The following FLRT2 variants were observed in gnomAD, a reference collection of about 807,000 sequenced individuals.
The protein encoded by FLRT2 is fibronectin leucine rich transmembrane protein 2.
In FLRT2, 15 loss-of-function variants were observed where a neutral mutation model predicts 40.0. That is an observed-to-expected ratio of 0.38 (90% confidence interval 0.25 to 0.58). The LOEUF (loss-of-function observed/expected upper bound fraction) is 0.58, where lower values mean the gene tolerates loss of function less well. Among genes scored for constraint, FLRT2 ranks in the 20% least tolerant of loss-of-function variants. FLRT2 has a pLI of 0.71. For missense variants in FLRT2, 726 were observed against 840.0 expected (o/e 0.86, Z 1.68); for synonymous variants, 380 against 336.8 (o/e 1.13, Z -1.41).
intron 1 of FLRT2, among the ~76,000 whole-genome samples, chr14:85,565,122 A>G (rs183031857): frequency 1.5e-3 from 222 of 152,286 alleles, no homozygotes; most frequent in African/African-American, 5.1e-3. Flanking sequence ...CCTTTCAGGG[A>G]TCTTGGGAAA....
chr14:85,614,563 T>A (rs1314005037), intron 1 of FLRT2, among the ~76,000 whole-genome samples: 1 of 152,150 alleles, frequency 6.6e-6, no homozygotes, highest in African/African-American at 2.4e-5. Flanking sequence ...CAATTCCTGA[T>A]AGGGAGCGGC....
intron 1 of FLRT2, among the ~76,000 whole-genome samples, chr14:85,533,128 T>C (rs1888390190): frequency 6.6e-6 from 1 of 151,556 alleles, no homozygotes; most frequent in Non-Finnish European, 1.5e-5. Context: ...ACCAGAAAAG[T>C]AGGAGGGACT....
chr14:85,584,127 C>T (rs1891513669), intron 1 of FLRT2, among the ~76,000 whole-genome samples: 1 of 152,256 alleles, frequency 6.6e-6, no homozygotes, highest in African/African-American at 2.4e-5. Flanking sequence ...CTCAGGAAAG[C>T]TCTACAATTA....
Position 85,638,503 on chromosome 14 carries a change from C to T in FLRT2, c.*15006C>T, listed in dbSNP as rs1236828279. ...CCAGTCCTGGTTCTTCATAGCCTTCCACAGGTGTCAGCTGCAAAAACCCTC... is the reference window on the plus strand; with the variant it reads ...CCAGTCCTGGTTCTTCATAGCCTTCTACAGGTGTCAGCTGCAAAAACCCTC... On this transcript the variant is annotated 3_prime_UTR_variant, in exon 2 of 2. Transcript: ENST00000330753. 1 of 152,222 alleles carries T rather than the reference C, an allele frequency of 6.6e-6. No individual in the cohort carries two copies. Among genetic ancestry groups the T allele is most frequent in the Non-Finnish European group, 1.5e-5 (1 of 68,108 alleles). 9.4% of individuals were successfully genotyped at this position (152,222 alleles called of 1,614,324 possible).
At chr14:85,585,300 T>G (rs1267830391) in intron 1 of FLRT2, among the ~76,000 whole-genome samples, 1 of 152,200 alleles carries the variant, frequency 6.6e-6, no homozygotes, top group African/African-American at 2.4e-5. Context: ...TCAAATATTT[T>G]ATTTCTCTCA....
At chr14:85,531,990 T>C (rs1888313734) in intron 1 of FLRT2, among the ~76,000 whole-genome samples, 1 of 152,188 alleles carries the variant, frequency 6.6e-6, no homozygotes, top group African/African-American at 2.4e-5. Flanking sequence ...CTTAACATGA[T>C]TTAGGCTCTC....
chr14:85,607,104 A>G (rs2747002), intron 1 of FLRT2, among the ~76,000 whole-genome samples: 125,349 of 151,944 alleles, frequency 0.82, 51,736 homozygotes, highest in East Asian at 0.88. Flanking sequence ...ATCCCGCTGG[A>G]GAAGACGCCA....
At position 85,621,474 on chromosome 14, in the gene FLRT2, C is replaced by A; in HGVS notation, c.-41C>A. 1 of 1,500,586 alleles carries A rather than the reference C, an allele frequency of 6.7e-7. No individual in the cohort carries two copies. Among genetic ancestry groups the A allele is most frequent in the African/African-American group, 1.4e-5 (1 of 69,424 alleles). 93.0% of individuals were successfully genotyped at this position (1,500,586 alleles called of 1,614,324 possible). A position where few individuals can be genotyped will look rare whatever the true frequency, so the allele number is the denominator to read the frequency against. The stretch of plus-strand genomic sequence containing the variant: ...TGCTGTTTATTTTTTTTTTCTTTTT[C>A]TTTTTCCCACCACATTGTATTTTAT... On this transcript the variant is annotated 5_prime_UTR_variant, in exon 2 of 2. Coordinates refer to ENST00000330753, the MANE Select transcript of FLRT2 (RefSeq NM_013231.6).
chr14:85,545,688 T>C (rs1889240395), intron 1 of FLRT2, among the ~76,000 whole-genome samples: 1 of 152,260 alleles, frequency 6.6e-6, no homozygotes, highest in African/African-American at 2.4e-5. Context: ...AATCATTAAT[T>C]TGAAAACAAA....
At chr14:85,575,504 A>G (rs892712267) in intron 1 of FLRT2, among the ~76,000 whole-genome samples, 1 of 152,186 alleles carries the variant, frequency 6.6e-6, no homozygotes, top group Non-Finnish European at 1.5e-5. Context: ...GAAATAAAAC[A>G]GTTGTCTGTG....
chr14:85,608,349 C>T (rs887141152), intron 1 of FLRT2, among the ~76,000 whole-genome samples: 1 of 152,002 alleles, frequency 6.6e-6, no homozygotes, highest in Non-Finnish European at 1.5e-5. Context: ...TCTGCCTCAG[C>T]CTTCCAAGCA....
At position 85,638,680 on chromosome 14, in the gene FLRT2, A is replaced by AGGGATTTCTTTACTTAT. The variant is rs1894070403; in HGVS notation, c.*15184_*15200dup. The AGGGATTTCTTTACTTAT allele has an allele frequency of 6.6e-6, 1 of 152,194 alleles. No individual in the cohort carries two copies. Among genetic ancestry groups the AGGGATTTCTTTACTTAT allele is most frequent in the Non-Finnish European group, 1.5e-5 (1 of 68,052 alleles). 9.4% of individuals were successfully genotyped at this position (152,194 alleles called of 1,614,324 possible). A position where few individuals can be genotyped will look rare whatever the true frequency, so the allele number is the denominator to read the frequency against. ...ATGTGAAAGTGTGAGGCTGGGCCCAAGGGATTTCTTTACTTATTGAGCAGA... is the reference window on the plus strand; with the variant it reads ...ATGTGAAAGTGTGAGGCTGGGCCCAAGGGATTTCTTTACTTATGGGATTTCTTTACTTATTGAGCAGA... On this transcript the variant is annotated 3_prime_UTR_variant, in exon 2 of 2. Transcript: ENST00000330753.
At position 85,640,921 on chromosome 14, in the gene FLRT2, C is replaced by T. The variant is rs1252904680; in HGVS notation, c.*17424C>T. On this transcript the variant is annotated 3_prime_UTR_variant, in exon 2 of 2. Coordinates refer to ENST00000330753, the MANE Select transcript of FLRT2 (RefSeq NM_013231.6). Reference sequence around the variant, plus strand: ...AATCCTGACCTCGCTTTCTTCTGGCCTTTCTTCCCCGTGACCTTGGGCAAG... The same window carrying T: ...AATCCTGACCTCGCTTTCTTCTGGCTTTTCTTCCCCGTGACCTTGGGCAAG... 2 of 152,208 alleles carry T rather than the reference C, an allele frequency of 1.3e-5. No individual in the cohort carries two copies. The highest frequency in any genetic ancestry group is 2.4e-5 in the African/African-American group (1 of 41,452). 9.4% of individuals were successfully genotyped at this position (152,208 alleles called of 1,614,324 possible). A position where few individuals can be genotyped will look rare whatever the true frequency, so the allele number is the denominator to read the frequency against.
rs1312104797 is a variant in FLRT2 at position 85,627,872 on chromosome 14, A to G, written c.*4375A>G. 6.0e-6 allele frequency: 1 copy of G among 167,008 alleles called. No homozygotes were observed. Among genetic ancestry groups the G allele is most frequent in the Non-Finnish European group, 1.5e-5 (1 of 68,110 alleles). 10.3% of individuals were successfully genotyped at this position (167,008 alleles called of 1,614,324 possible). On this transcript the variant is annotated 3_prime_UTR_variant, in exon 2 of 2. Coordinates refer to ENST00000330753, the MANE Select transcript of FLRT2 (RefSeq NM_013231.6). ...TTGTTAATGACAAACTTCACTCTAC[A>G]CTATACAGTACCTTGTTGATATATT...
In FLRT2 at chr14:85,623,182, G is replaced by T; in HGVS notation, c.1668G>T (p.Val556=). ...LIGGAVIFVL[V]VLLSVFCWHM... ...GGGGCGCGGTGATATTTGTGCTGGT[G>T]GTCTTGCTCAGCGTCTTTTGCTGGC... is the stretch of plus-strand genomic sequence containing the variant. Residue 556 remains valine, a synonymous_variant, in exon 2 of 2, where the codon GTG becomes GTT. Transcript: ENST00000330753. 5 of 1,557,896 alleles carry T rather than the reference G, an allele frequency of 3.2e-6. No individual in the cohort carries two copies. Among genetic ancestry groups the T allele is most frequent in the Non-Finnish European group, 4.3e-6 (5 of 1,152,542 alleles).
rs534249966 is a variant in FLRT2, at chr14:85,629,903, T to A, written c.*6406T>A. The A allele has an allele frequency of 6.6e-6, 1 of 152,282 alleles. No homozygotes were observed. The highest frequency in any genetic ancestry group is 2.1e-4 in the South Asian group (1 of 4,828). The allele number at this position is 152,282 out of a possible 1,614,324, so 9.4% of individuals were successfully genotyped here. On this transcript the variant is annotated 3_prime_UTR_variant, in exon 2 of 2. Transcript: ENST00000330753. ...TTGTGATTATTTGATGGCTGCACATTTATCTGATTTGAAGGTTTCAGATGG... is the reference window on the plus strand; with the variant it reads ...TTGTGATTATTTGATGGCTGCACATATATCTGATTTGAAGGTTTCAGATGG...
chr14:85,632,487 C>T lies in FLRT2; in HGVS notation c.*8990C>T, dbSNP rs1295976858. 6.7e-6 allele frequency: 1 copy of T among 148,330 alleles called. No individual in the cohort carries two copies. The highest frequency in any genetic ancestry group is 2.5e-5 in the African/African-American group (1 of 40,144). 9.2% of individuals were successfully genotyped at this position (148,330 alleles called of 1,614,324 possible). On this transcript the variant is annotated 3_prime_UTR_variant, in exon 2 of 2. Coordinates refer to ENST00000330753, the MANE Select transcript of FLRT2 (RefSeq NM_013231.6). The stretch of plus-strand genomic sequence containing the variant: ...CTCAAAAAAAAAAAAAAAAAAATCA[C>T]CTTGCAACAAAATATCGCCATCATG...
At position 85,652,143 on chromosome 14, in the gene FLRT2, T is replaced by C. The variant is rs1237524595; in HGVS notation, c.*28646T>C. 1 of 152,134 alleles carries C rather than the reference T, an allele frequency of 6.6e-6. No homozygotes were observed. The highest frequency in any genetic ancestry group is 1.5e-5 in the Non-Finnish European group (1 of 67,984). 9.4% of individuals were successfully genotyped at this position (152,134 alleles called of 1,614,324 possible). A position where few individuals can be genotyped will look rare whatever the true frequency, so the allele number is the denominator to read the frequency against. On this transcript the variant is annotated 3_prime_UTR_variant, in exon 2 of 2. Transcript: ENST00000330753. ...AAACAAAGTATTATTAAAAGTATGT[T>C]TGATGTTGCTGAAGATTCTTTCATA...
At chr14:85,576,000 G>T (rs1011778819) in intron 1 of FLRT2, among the ~76,000 whole-genome samples, 3 of 152,128 alleles carry the variant, frequency 2.0e-5, no homozygotes, top group Admixed American at 1.3e-4. Context: ...ATTTGTGAGG[G>T]TATATTCTAG....
Sources: gnomAD v4.1 joint callset for allele counts (sites outside exome capture counted in the v4.1 genomes callset) on GRCh38, gnomAD v4.1.1 for gene constraint, MANE v1.5 for transcripts, NCBI Gene and HGNC (gene_info 2026-07-23, HGNC 2026-07-21) for gene names.